Variants in TASOR observed in about 807,000 individuals in gnomAD.
TASOR encodes the protein protein TASOR.
TASOR carries 53 observed loss-of-function variants against 178.6 expected under a neutral mutation model. The ratio of observed to expected loss-of-function variants is 0.30; its 90% CI spans 0.24 to 0.37. TASOR has a LOEUF of 0.37. TASOR is among the 10% of genes least tolerant of loss of function. The pLI is 1.00. For missense variants in TASOR, 1,815 were observed against 1,971.4 expected, an observed-to-expected ratio of 0.92 and a Z score of 1.50; for synonymous variants, 713 against 696.2, an observed-to-expected ratio of 1.02 and a Z score of -0.38.
intron 21 of TASOR, among the ~76,000 whole-genome samples, chr3:56,626,388 C>T (rs995393489): frequency 6.6e-5 from 10 of 152,084 alleles, no homozygotes; most frequent in Non-Finnish European, 1.5e-4. Context: ...TTATTAGCTA[C>T]CTATAAAGTA....
chr3:56,621,818 T>TA lies in TASOR; in HGVS notation c.*1218dup, dbSNP rs11401064. 0.19 allele frequency: 25,231 copies of TA among 133,954 alleles called. 2,471 individuals are homozygous for TA. The highest frequency in any genetic ancestry group is 0.35 in the South Asian group (1,465 of 4,130). 8.3% of individuals were successfully genotyped at this position (133,954 alleles called of 1,614,324 possible). Reference sequence around the variant, plus strand: ...TACTTCTTTTGTAAAAGCTTAGTAGTAAAAAAAAAAAAAAAAAAACCGGTT... The same window carrying TA: ...TACTTCTTTTGTAAAAGCTTAGTAGTAAAAAAAAAAAAAAAAAAAACCGGTT... On this transcript the variant is annotated 3_prime_UTR_variant, in exon 24 of 24. Transcript: ENST00000683822.
chr3:56,672,290 T>C (rs1160579394), intron 2 of TASOR, among the ~76,000 whole-genome samples: 1 of 152,186 alleles, frequency 6.6e-6, no homozygotes, highest in East Asian at 1.9e-4. Flanking sequence ...TACTGCTCTT[T>C]AATAACTAAT....
chr3:56,675,046 C>T (rs1395349756), intron 1 of TASOR, among the ~76,000 whole-genome samples: 1 of 152,108 alleles, frequency 6.6e-6, no homozygotes, highest in African/African-American at 2.4e-5. Flanking sequence ...AGGATGGTCT[C>T]GATCTCCTGA....
intron 11 of TASOR, among the ~76,000 whole-genome samples, chr3:56,658,076 A>T (rs1356086005): frequency 1.3e-5 from 2 of 152,236 alleles, no homozygotes; most frequent in African/African-American, 4.8e-5. Flanking sequence ...AAATTTAAAA[A>T]TCAGTATTCC....
chr3:56,641,339 A>G lies in TASOR; in HGVS notation c.2619+10T>C, dbSNP rs369527123. On this transcript the variant is annotated intron_variant, in intron 15 of 23. Coordinates refer to ENST00000683822, the MANE Select transcript of TASOR (RefSeq NM_001365635.2). ...ACAAACACAAAGGTAACCAACAGCTATATGCTTACTTCTTTCAAATGTAGC... is the reference window on the plus strand; with the variant it reads ...ACAAACACAAAGGTAACCAACAGCTGTATGCTTACTTCTTTCAAATGTAGC... The G allele has an allele frequency of 1.3e-6, 2 of 1,579,318 alleles. No homozygotes were observed. Among genetic ancestry groups the G allele is most frequent in the Admixed American group, 1.7e-5 (1 of 58,896 alleles).
At chr3:56,681,087 T>TAAAA (rs11310490) in intron 1 of TASOR, among the ~76,000 whole-genome samples, 1 of 117,882 alleles carries the variant, frequency 8.5e-6, no homozygotes. Flanking sequence ...TAACAAACAG[T>TAAAA]AAAAAAAAAA....
At chr3:56,654,636 C>T (rs2077430532) in intron 11 of TASOR, among the ~76,000 whole-genome samples, 2 of 152,066 alleles carry the variant, frequency 1.3e-5, no homozygotes, top group Admixed American at 1.3e-4. Flanking sequence ...TAAAGCAAGC[C>T]AACCTCCCTA....
intron 1 of TASOR, among the ~76,000 whole-genome samples, chr3:56,676,137 G>A (rs935089542): frequency 2.1e-5 from 3 of 144,230 alleles, no homozygotes; most frequent in Admixed American, 2.0e-4. Flanking sequence ...TTGATTGTAA[G>A]CTCCATGAGA....
chr3:56,626,782 A>T (rs1177153886), intron 21 of TASOR, among the ~76,000 whole-genome samples: 1 of 152,152 alleles, frequency 6.6e-6, no homozygotes, highest in Non-Finnish European at 1.5e-5. Flanking sequence ...TTCCATTTGG[A>T]TGATTACTCT....
intron 2 of TASOR, among the ~76,000 whole-genome samples, chr3:56,672,721 A>C (rs1217695453): frequency 6.6e-6 from 1 of 152,208 alleles, no homozygotes; most frequent in African/African-American, 2.4e-5. Context: ...TCCTAAAAAC[A>C]AACACACCCA....
intron 21 of TASOR, among the ~76,000 whole-genome samples, 173 bp from the exon 22 acceptor site, chr3:56,625,179 GATA>G (rs1296630497): frequency 2.0e-5 from 3 of 151,932 alleles, no homozygotes; most frequent in Admixed American, 1.3e-4. Context: ...AGAAAGAAGG[GATA>G]AGTCCAGGGG....
At position 56,681,721 on chromosome 3, in the gene TASOR, A is replaced by G. The variant is rs574672479; in HGVS notation, c.331+955T>C. Among the ~76,000 whole-genome samples the G allele has an allele frequency of 2.0e-5, 3 of 152,346 alleles. No individual in the cohort carries two copies. The South Asian group carries it at 6.2e-4, about 32-fold the overall frequency. On this transcript the variant is annotated intron_variant, in intron 1 of 23. Transcript: ENST00000683822. Reference sequence around the variant, plus strand: ...GTTGTCTAAATTCAGAATATCCAAAATTTACTGGATAGTTAAAAAATAATA... The same window carrying G: ...GTTGTCTAAATTCAGAATATCCAAAGTTTACTGGATAGTTAAAAAATAATA...
rs1466798076 is a variant in TASOR at position 56,649,141 on chromosome 3, G to C, written c.1369-84C>G. ...AGACACACAGCATTTTCTACTAATTGTAAAGAAAAAAAGTTCTTAATCATC... is the reference window on the plus strand; with the variant it reads ...AGACACACAGCATTTTCTACTAATTCTAAAGAAAAAAAGTTCTTAATCATC... On this transcript the variant is annotated intron_variant, in intron 11 of 23. Coordinates refer to ENST00000683822, the MANE Select transcript of TASOR (RefSeq NM_001365635.2). The C allele has an allele frequency of 6.0e-6, 6 of 1,002,024 alleles. No homozygotes were observed. In the Admixed American group the frequency reaches 1.8e-4, roughly 31 times the overall value. The allele number at this position is 1,002,024 out of a possible 1,614,324, so 62.1% of individuals were successfully genotyped here.
chr3:56,655,218 G>A (rs552494468), intron 11 of TASOR, among the ~76,000 whole-genome samples: 2 of 152,070 alleles, frequency 1.3e-5, no homozygotes, highest in South Asian at 4.1e-4. Flanking sequence ...TTTAAATCAA[G>A]AAGGCAAGAA....
Position 56,627,584 on chromosome 3 carries a change from A to G in TASOR, c.4028T>C (p.Val1343Ala). 6.2e-7 allele frequency: 1 copy of G among 1,613,978 alleles called. No homozygotes were observed. Among genetic ancestry groups the G allele is most frequent in the Non-Finnish European group, 8.5e-7 (1 of 1,179,962 alleles). Residue 1343 changes from valine to alanine, a missense_variant and splice_region_variant, in exon 20 of 24, where the codon GTT becomes GCT. Val to Ala is a moderately conservative substitution (Grantham distance 64). Transcript: ENST00000683822. ...ESILNPEVVT[V>A]ENLKNFLTFL... ...TGCTCAAAAGAACATCATCTTACCA[A>G]CTGTGACAACCTCTGGGTTTAGAAT... is the stretch of plus-strand genomic sequence containing the variant.
In TASOR at chr3:56,647,117, C is replaced by CT; in HGVS notation, c.1619dup (p.Glu541GlyfsTer15). 6.2e-7 allele frequency: 1 copy of CT among 1,607,230 alleles called. No individual in the cohort carries two copies. Among genetic ancestry groups the CT allele is most frequent in the Non-Finnish European group, 8.5e-7 (1 of 1,178,494 alleles). Reference sequence around the variant, plus strand: ...TTATGGCGCTTATATTTTTGAATTCCTTTCGACACTGAATCAAAGAAAATT... The same window carrying CT: ...TTATGGCGCTTATATTTTTGAATTCCTTTTCGACACTGAATCAAAGAAAATT... On this transcript the variant is annotated frameshift_variant, in exon 14 of 24. Coordinates refer to ENST00000683822, the MANE Select transcript of TASOR (RefSeq NM_001365635.2). LOFTEE classifies it high-confidence loss of function.
rs993973946 is a variant in TASOR, at chr3:56,646,575, A to T, written c.2162T>A (p.Met721Lys). Residue 721 changes from methionine to lysine, a missense_variant, in exon 14 of 24, where the codon ATG (methionine) becomes AAG (lysine). Met to Lys is a moderately conservative substitution (Grantham distance 95). Transcript: ENST00000683822. ...KRKLEDLPEN[M>K]RKLAKTSNLS... ...ATTACTGGTTTTGGCGAGCTTTCTC[A>T]TATTTTCAGGTAGATCCTCAAGCTT... The T allele has an allele frequency of 5.6e-6, 9 of 1,609,634 alleles. No individual in the cohort carries two copies. The highest frequency in any genetic ancestry group is 7.6e-6 in the Non-Finnish European group (9 of 1,179,122).
chr3:56,635,724 C>T (rs1454172387), intron 17 of TASOR, among the ~76,000 whole-genome samples: 1 of 152,104 alleles, frequency 6.6e-6, no homozygotes, highest in Non-Finnish European at 1.5e-5. Context: ...TTCCTCCTGC[C>T]TCAGTCTTCC....
chr3:56,629,720 T>A (rs1270639820), intron 18 of TASOR, among the ~76,000 whole-genome samples: 2 of 152,110 alleles, frequency 1.3e-5, no homozygotes, highest in African/African-American at 2.4e-5. Flanking sequence ...GGAGGTCATA[T>A]TCCTCATTTC....
Sources: gnomAD v4.1 joint callset for allele counts (sites outside exome capture counted in the v4.1 genomes callset) on GRCh38, gnomAD v4.1.1 for gene constraint, MANE v1.5 for transcripts, NCBI Gene and HGNC (gene_info 2026-07-23, HGNC 2026-07-21) for gene names.